GPR107: variants seen among roughly 807,000 people sequenced by gnomAD.
GPR107 encodes G protein-coupled receptor 107.
GPR107 carries 31 observed loss-of-function variants against 75.5 expected under a neutral mutation model. The ratio of observed to expected loss-of-function variants is 0.41; its 90% CI spans 0.31 to 0.55. GPR107 has a LOEUF of 0.55. GPR107 is among the 20% of genes least tolerant of loss of function. The pLI is 0.26. For synonymous variants in GPR107, 267 were observed against 251.3 expected (o/e 1.06, Z -0.59); for missense variants, 572 against 665.7 (o/e 0.86, Z 1.55).
At chr9:130,056,436 C>G (rs1829790378) in intron 1 of GPR107, among the ~76,000 whole-genome samples, 2 of 151,308 alleles carry the variant, frequency 1.3e-5, no homozygotes, top group Non-Finnish European at 2.9e-5. Context: ...GGCGACAGAG[C>G]AAGACTCCGT....
chr9:130,054,704 C>T (rs1418693426), intron 1 of GPR107, among the ~76,000 whole-genome samples: 1 of 152,198 alleles, frequency 6.6e-6, no homozygotes, highest in Admixed American at 6.5e-5. Flanking sequence ...TAGAATGATA[C>T]TCTGGATCTT....
chr9:130,086,030 C>T (rs1475281493), intron 6 of GPR107, among the ~76,000 whole-genome samples: 1 of 152,050 alleles, frequency 6.6e-6, no homozygotes, highest in Non-Finnish European at 1.5e-5. Flanking sequence ...GGATTACAGG[C>T]GTGAGCCACT....
intron 14 of GPR107, among the ~76,000 whole-genome samples, chr9:130,123,536 T>C (rs866571463): frequency 0.071 from 10,511 of 147,550 alleles, 300 homozygotes; most frequent in East Asian, 0.13. Flanking sequence ...TTTTCTTTTT[T>C]TTTTTTTTTT....
chr9:130,075,650 TA>T lies in GPR107; in HGVS notation c.159del (p.Val54PhefsTer3). 1 of 1,578,878 alleles carries T rather than the reference TA, an allele frequency of 6.3e-7. No individual in the cohort carries two copies. The highest frequency in any genetic ancestry group is 8.7e-7 in the Non-Finnish European group (1 of 1,147,914). ...AATCTCTTTAGGATGATGTGAGGCATAAAGTTCATCTGAACACCTTTGGCTT... is the reference window on the plus strand; with the variant it reads ...AATCTCTTTAGGATGATGTGAGGCATAAGTTCATCTGAACACCTTTGGCTT... ...HLALKDDVRH[K>X]VHLNTFGFFK... On this transcript the variant is annotated frameshift_variant, in exon 2 of 18. Transcript: ENST00000347136. LOFTEE classifies it high-confidence loss of function.
intron 1 of GPR107, among the ~76,000 whole-genome samples, chr9:130,070,300 C>T (rs1830174142): frequency 6.6e-6 from 1 of 151,642 alleles, no homozygotes. Context: ...TTACTCCTGG[C>T]TATTTATTTA....
intron 14 of GPR107, chr9:130,110,456 A>T (rs558598528): frequency 8.8e-7 from 1 of 1,140,788 alleles, no homozygotes; most frequent in African/African-American, 1.5e-5. Context: ...CCCCATTCTT[A>T]GGAAGACATC....
Position 130,128,684 on chromosome 9 carries a change from G to T in GPR107, c.1485G>T (p.Gly495=), listed in dbSNP as rs1589532897. Residue 495 remains glycine, a synonymous_variant, in exon 17 of 18, where the codon GGG becomes GGT. Coordinates refer to ENST00000347136, the MANE Select transcript of GPR107 (RefSeq NM_020960.5). Reference sequence around the variant, plus strand: ...CACTGGTCTTCTTTGTTCTAACGGGGTATAAATTCCGTCCGGCTTCAGATA... The same window carrying T: ...CACTGGTCTTCTTTGTTCTAACGGGTTATAAATTCCGTCCGGCTTCAGATA... ...TATLVFFVLT[G]YKFRPASDNP... The T allele has an allele frequency of 1.9e-6, 3 of 1,610,612 alleles. No homozygotes were observed. Among genetic ancestry groups the T allele is most frequent in the Non-Finnish European group, 2.5e-6 (3 of 1,176,858 alleles).
At chr9:130,123,334 G>A (rs1831596217) in intron 14 of GPR107, among the ~76,000 whole-genome samples, 1 of 151,904 alleles carries the variant, frequency 6.6e-6, no homozygotes, top group African/African-American at 2.4e-5. Flanking sequence ...CTCCCAAATA[G>A]CTGGGATTAC....
chr9:130,102,337 C>A (rs1433250249), intron 12 of GPR107, among the ~76,000 whole-genome samples: 1 of 152,196 alleles, frequency 6.6e-6, no homozygotes, highest in Non-Finnish European at 1.5e-5. Flanking sequence ...TGGGTTGTCA[C>A]CCGGCTGCGT....
chr9:130,133,485 G>A lies in GPR107; in HGVS notation c.1563-1540G>A, dbSNP rs559896509. Among the ~76,000 whole-genome samples the A allele has an allele frequency of 9.3e-4, 142 of 152,302 alleles. 1 individual carries two copies. Among genetic ancestry groups the A allele is most frequent in the African/African-American group, 3.0e-3 (124 of 41,552 alleles). On this transcript the variant is annotated intron_variant, in intron 17 of 17. Coordinates refer to ENST00000347136, the MANE Select transcript of GPR107 (RefSeq NM_020960.5). ...GGTCTCAGTCACTGTGGAGAGGCAC[G>A]GGGGCTGCTACGTGGCTCGGGGCAG...
At chr9:130,127,241 C>T (rs569325538) in intron 15 of GPR107, among the ~76,000 whole-genome samples, 66 of 152,152 alleles carry the variant, frequency 4.3e-4, no homozygotes, top group Non-Finnish European at 7.9e-4. Context: ...GTCTTGTGCT[C>T]CCGGTGGGTG....
At chr9:130,096,459 A>G (rs1589508724) in intron 9 of GPR107, among the ~76,000 whole-genome samples, 1 of 122,298 alleles carries the variant, frequency 8.2e-6, no homozygotes, top group East Asian at 2.5e-4. Context: ...TTGCATATAC[A>G]TTTTTGGACT....
intron 5 of GPR107, among the ~76,000 whole-genome samples, chr9:130,081,612 G>A (rs942618382): frequency 2.0e-5 from 3 of 151,470 alleles, no homozygotes; most frequent in Non-Finnish European, 2.9e-5. Flanking sequence ...GATGGAGTTC[G>A]CAGTGAGCCA....
intron 14 of GPR107, among the ~76,000 whole-genome samples, chr9:130,109,896 G>T (rs115227624): frequency 6.6e-6 from 1 of 152,126 alleles, no homozygotes; most frequent in Non-Finnish European, 1.5e-5. Flanking sequence ...AATATATCGC[G>T]ATGAGACCAT....
intron 7 of GPR107, among the ~76,000 whole-genome samples, chr9:130,087,805 C>CCA (rs762733177): frequency 1.1e-5 from 1 of 87,634 alleles, no homozygotes; most frequent in Non-Finnish European, 2.1e-5. Context: ...GACCCTGTCT[C>CCA]AAAAAAAAAA....
intron 14 of GPR107, among the ~76,000 whole-genome samples, chr9:130,111,707 CAGTTTTCAGT>C (rs1831307699): frequency 1.3e-3 from 2 of 1,580 alleles, no homozygotes; most frequent in South Asian, 0.04. Context: ...GGGGTGAATA[CAGTTTTCAGT>C]TTTGGGGTGA....
chr9:130,098,618 G>T (rs1206015557), intron 9 of GPR107, among the ~76,000 whole-genome samples: 1 of 152,068 alleles, frequency 6.6e-6, no homozygotes, highest in Non-Finnish European at 1.5e-5. Context: ...TCTAGCTTTG[G>T]TGCATAACTC....
chr9:130,087,388 C>T (rs922912341), intron 7 of GPR107, among the ~76,000 whole-genome samples: 57 of 152,154 alleles, frequency 3.7e-4, no homozygotes, highest in African/African-American at 1.4e-3. Flanking sequence ...TAAAAAATGG[C>T]AGGGCGTGGT....
rs749263311 is a variant in GPR107 at position 130,126,675 on chromosome 9, G to A, written c.1357-808G>A. Among the ~76,000 whole-genome samples, 23 of 152,214 alleles carry A rather than the reference G, an allele frequency of 1.5e-4. No individual in the cohort carries two copies. In the East Asian group the frequency reaches 3.7e-3, roughly 24 times the overall value. On this transcript the variant is annotated intron_variant, in intron 15 of 17. Transcript: ENST00000347136. Reference sequence around the variant, plus strand: ...CTGTTTCCAAGTCTTTCATCTGTTCGTTTGGCATTGTCACTTCAGACAGTT... The same window carrying A: ...CTGTTTCCAAGTCTTTCATCTGTTCATTTGGCATTGTCACTTCAGACAGTT...
Sources: gnomAD v4.1 joint callset for allele counts (sites outside exome capture counted in the v4.1 genomes callset) on GRCh38, gnomAD v4.1.1 for gene constraint, MANE v1.5 for transcripts, NCBI Gene and HGNC (gene_info 2026-07-23, HGNC 2026-07-21) for gene names.